Variants in SLC35G2 observed in about 807,000 individuals in gnomAD.
SLC35G2 encodes the protein solute carrier family 35 member G2, also known as transmembrane protein 22.
SLC35G2 carries 20 observed loss-of-function variants against 27.2 expected under a neutral mutation model. The observed-to-expected ratio is 0.74, with a 90% CI of 0.52 to 1.07. The LOEUF is 1.07. Ranked by LOEUF, SLC35G2 falls within the 50% of genes least tolerant of loss-of-function variation. The pLI is 0.00. For synonymous variants in SLC35G2, 148 were observed against 165.3 expected, an observed-to-expected ratio of 0.90 and a Z score of 0.80; for missense variants, 416 against 493.3, an observed-to-expected ratio of 0.84 and a Z score of 1.48.
chr3:136,827,850 T>C (rs1210747461), intron 1 of SLC35G2, among the ~76,000 whole-genome samples: 1 of 152,050 alleles, frequency 6.6e-6, no homozygotes, highest in Non-Finnish European at 1.5e-5. Flanking sequence ...TTTTTTTTTT[T>C]TTGAGACAGG....
chr3:136,842,367 A>G (rs931171942), intron 1 of SLC35G2: 4 of 152,206 alleles, frequency 2.6e-5, no homozygotes, highest in Non-Finnish European at 5.9e-5. Flanking sequence ...AAGCTCTTCA[A>G]TGATGTAGCT....
At chr3:136,844,005 C>T (rs1370679764) in intron 1 of SLC35G2, among the ~76,000 whole-genome samples, 1 of 152,072 alleles carries the variant, frequency 6.6e-6, no homozygotes, top group Non-Finnish European at 1.5e-5. Flanking sequence ...CTAGCTGAGC[C>T]TAGATGAAGG....
chr3:136,827,182 C>G (rs942590930), intron 1 of SLC35G2, among the ~76,000 whole-genome samples: 1 of 150,632 alleles, frequency 6.6e-6, no homozygotes, highest in Non-Finnish European at 1.5e-5. Context: ...TATTTCTGCT[C>G]TAATCTTTAT....
At chr3:136,844,811 A>G (rs918579175) in intron 1 of SLC35G2, among the ~76,000 whole-genome samples, 2 of 151,046 alleles carry the variant, frequency 1.3e-5, no homozygotes, top group African/African-American at 4.9e-5. Flanking sequence ...AAAAAAAAAA[A>G]AAAAAAAAAA....
chr3:136,855,867 A>T lies in SLC35G2; in HGVS notation c.*168A>T. 1 of 534,490 alleles carries T rather than the reference A, an allele frequency of 1.9e-6. No homozygotes were observed. The highest frequency in any genetic ancestry group is 3.3e-6 in the Non-Finnish European group (1 of 301,238). 33.1% of individuals were successfully genotyped at this position (534,490 alleles called of 1,614,324 possible). On this transcript the variant is annotated 3_prime_UTR_variant, in exon 2 of 2. Coordinates refer to ENST00000446465, the MANE Select transcript of SLC35G2 (RefSeq NM_025246.3). ...TAGTCTAATATATTCAAATACAAAT[A>T]TTAAATATATGAAATACGTTATGAA...
At chr3:136,824,005 A>C (rs1936523955) in intron 1 of SLC35G2, among the ~76,000 whole-genome samples, 1 of 151,984 alleles carries the variant, frequency 6.6e-6, no homozygotes, top group South Asian at 2.1e-4. Flanking sequence ...TGTTCCTGGC[A>C]CCTTTGTGGA....
At chr3:136,835,914 CT>C (rs1264739618) in intron 1 of SLC35G2, among the ~76,000 whole-genome samples, 1 of 152,108 alleles carries the variant, frequency 6.6e-6, no homozygotes, top group Non-Finnish European at 1.5e-5. Context: ...TCTGAGAGTA[CT>C]TTTTTGGGGT....
chr3:136,829,429 C>T (rs1936669576), intron 1 of SLC35G2, among the ~76,000 whole-genome samples: 1 of 152,020 alleles, frequency 6.6e-6, no homozygotes, highest in Non-Finnish European at 1.5e-5. Context: ...ACTATATTGG[C>T]CAGGCTGGTT....
chr3:136,825,988 G>A (rs1290068230), intron 1 of SLC35G2, among the ~76,000 whole-genome samples: 2 of 151,922 alleles, frequency 1.3e-5, no homozygotes, highest in Non-Finnish European at 2.9e-5. Flanking sequence ...TTCCTTAAAT[G>A]TTTGGTAGAA....
At chr3:136,826,973 T>TTTTC (rs564468481) in intron 1 of SLC35G2, among the ~76,000 whole-genome samples, 96,677 of 138,040 alleles carry the variant, frequency 0.7, 32,335 homozygotes, top group East Asian at 0.86. Context: ...CTCTTTTTTC[T>TTTTC]TTTTTTTTTT....
intron 1 of SLC35G2, among the ~76,000 whole-genome samples, chr3:136,821,822 C>G (rs1936463832): frequency 6.6e-6 from 1 of 152,194 alleles, no homozygotes; most frequent in Non-Finnish European, 1.5e-5. Context: ...ATCTTTAGAG[C>G]TTATGCATCT....
chr3:136,852,188 TAAAG>T (rs1937670356), intron 1 of SLC35G2, among the ~76,000 whole-genome samples: 2 of 148,090 alleles, frequency 1.4e-5, no homozygotes, highest in East Asian at 4.1e-4. Context: ...AAGTTGGAAA[TAAAG>T]AACAGTCAGA....
At chr3:136,822,638 A>AT (rs1560008963) in intron 1 of SLC35G2, among the ~76,000 whole-genome samples, 1 of 152,112 alleles carries the variant, frequency 6.6e-6, no homozygotes, top group African/African-American at 2.4e-5. Context: ...CATGAGTTCA[A>AT]TTTTTTTGAT....
intron 1 of SLC35G2, among the ~76,000 whole-genome samples, chr3:136,822,606 C>G (rs775915744): frequency 6.6e-6 from 1 of 152,190 alleles, no homozygotes; most frequent in Non-Finnish European, 1.5e-5. Context: ...TGAGCCACTG[C>G]GCCCAGCGTA....
At chr3:136,849,913 T>C (rs1186171128) in intron 1 of SLC35G2, among the ~76,000 whole-genome samples, 1 of 151,292 alleles carries the variant, frequency 6.6e-6, no homozygotes, top group African/African-American at 2.4e-5. Context: ...GAGACCAGCC[T>C]GACCAACATG....
At chr3:136,833,611 T>C (rs2108004247) in intron 1 of SLC35G2, among the ~76,000 whole-genome samples, 1 of 152,282 alleles carries the variant, frequency 6.6e-6, no homozygotes, top group East Asian at 1.9e-4. Context: ...ATAAGGAACA[T>C]GCAACCTAGA....
intron 1 of SLC35G2, among the ~76,000 whole-genome samples, chr3:136,831,214 T>C (rs1379786873): frequency 6.6e-6 from 1 of 152,172 alleles, no homozygotes; most frequent in Non-Finnish European, 1.5e-5. Flanking sequence ...TCACATTGCT[T>C]TTTGGATTCC....
chr3:136,843,205 C>A (rs1937177709), intron 1 of SLC35G2: 1 of 151,134 alleles, frequency 6.6e-6, no homozygotes. Flanking sequence ...CGCCTGTAGT[C>A]CCAGCTACTC....
intron 1 of SLC35G2, among the ~76,000 whole-genome samples, chr3:136,847,868 T>G (rs1937460837): frequency 6.6e-6 from 1 of 151,872 alleles, no homozygotes; most frequent in Non-Finnish European, 1.5e-5. Flanking sequence ...TCCCAAGTAC[T>G]CAGGAGGCTG....
Sources: gnomAD v4.1 joint callset for allele counts (sites outside exome capture counted in the v4.1 genomes callset) on GRCh38, gnomAD v4.1.1 for gene constraint, MANE v1.5 for transcripts, NCBI Gene and HGNC (gene_info 2026-07-23, HGNC 2026-07-21) for gene names.